The following SMAP1 variants were observed in gnomAD, a reference collection of about 807,000 sequenced individuals.
The protein encoded by SMAP1 is small ArfGAP 1.
A neutral mutation model predicts 58.5 loss-of-function variants in SMAP1; 24 were observed. The ratio of observed to expected loss-of-function variants is 0.41; its 90% confidence interval spans 0.30 to 0.58. The LOEUF is 0.58. SMAP1 is among the 20% of genes least tolerant of loss of function. SMAP1 has a pLI of 0.29. For synonymous variants in SMAP1, 216 were observed against 196.6 expected (o/e 1.10, Z -0.82); for missense variants, 563 against 566.3 (o/e 0.99, Z 0.06).
chr6:70,860,125 CAACT>C, intron 10 of SMAP1, 71 bp from the exon 11 acceptor site: 1 of 1,474,000 alleles, frequency 6.8e-7, no homozygotes, highest in Middle Eastern at 1.8e-4. Context: ...AAAAAATGAC[CAACT>C]GTGTGGCTAA....
rs2149943584 is a variant in SMAP1 at position 70,791,763 on chromosome 6, A to G, written c.489A>G (p.Lys163=). 1.9e-6 allele frequency: 3 copies of G among 1,612,886 alleles called. No individual in the cohort carries two copies. Residue 163 remains lysine, a synonymous_variant, in exon 5 of 11, where the codon AAA becomes AAG. Coordinates refer to ENST00000370455, the MANE Select transcript of SMAP1 (RefSeq NM_001044305.3). ...PSLQAAVDKN[K]LEKEKEKKKE... ...TGCAAGCTGCTGTTGACAAAAATAA[A>G]TTGGAGGTATGGTCATGTTTTAACC...
At chr6:70,752,662 C>A (rs1281245698) in intron 2 of SMAP1, among the ~76,000 whole-genome samples, 1 of 152,014 alleles carries the variant, frequency 6.6e-6, no homozygotes, top group Non-Finnish European at 1.5e-5. Flanking sequence ...ACATCAGCTC[C>A]TGTTGTTTTT....
chr6:70,769,872 T>G (rs983890900), intron 3 of SMAP1, among the ~76,000 whole-genome samples: 2 of 152,100 alleles, frequency 1.3e-5, no homozygotes, highest in African/African-American at 4.8e-5. Context: ...ATTTGGCATG[T>G]TTTTGCAGTG....
chr6:70,767,565 T>C (rs1767053996), intron 3 of SMAP1, among the ~76,000 whole-genome samples: 1 of 151,364 alleles, frequency 6.6e-6, no homozygotes, highest in South Asian at 2.1e-4. Context: ...GTTATTGGTG[T>C]ATAAGAATGC....
At chr6:70,736,637 T>G (rs1212246373) in intron 2 of SMAP1, among the ~76,000 whole-genome samples, 3 of 152,214 alleles carry the variant, frequency 2.0e-5, no homozygotes, top group Non-Finnish European at 4.4e-5. Context: ...AAACTAAAAT[T>G]GAAATAATGA....
intron 1 of SMAP1, among the ~76,000 whole-genome samples, chr6:70,729,791 G>C (rs1765352846): frequency 6.6e-6 from 1 of 152,084 alleles, no homozygotes; most frequent in Non-Finnish European, 1.5e-5. Flanking sequence ...AATTACGTTA[G>C]TTATGTGAAA....
chr6:70,731,239 T>C (rs1255451790), intron 1 of SMAP1, among the ~76,000 whole-genome samples: 1 of 152,254 alleles, frequency 6.6e-6, no homozygotes, highest in East Asian at 1.9e-4. Context: ...TTTTACTTTA[T>C]TAATTTTACA....
At chr6:70,813,549 A>G (rs1482455856) in intron 6 of SMAP1, among the ~76,000 whole-genome samples, 2 of 152,084 alleles carry the variant, frequency 1.3e-5, no homozygotes, top group African/African-American at 4.8e-5. Flanking sequence ...AAATTTTTAA[A>G]TATTAAAATT....
In SMAP1 at chr6:70,861,071, A is replaced by G. The variant is rs1771702412; in HGVS notation, c.*737A>G. The G allele has an allele frequency of 1.0e-5, 2 of 199,262 alleles. No individual in the cohort carries two copies. Among genetic ancestry groups the G allele is most frequent in the Admixed American group, 1.2e-4 (2 of 16,872 alleles). 12.3% of individuals were successfully genotyped at this position (199,262 alleles called of 1,614,324 possible). On this transcript the variant is annotated 3_prime_UTR_variant, in exon 11 of 11. Transcript: ENST00000370455. ...GCCACTTTCAATCTTCAATCCTTGA[A>G]GGTATATCTAGGTTTATGACAGTAA...
chr6:70,788,416 A>T (rs971717197), intron 4 of SMAP1, among the ~76,000 whole-genome samples: 1 of 151,884 alleles, frequency 6.6e-6, no homozygotes, highest in Non-Finnish European at 1.5e-5. Context: ...AAACCTGCAC[A>T]TTGTGCGCAT....
intron 7 of SMAP1, among the ~76,000 whole-genome samples, chr6:70,847,595 T>C (rs1373138230): frequency 1.3e-5 from 2 of 152,176 alleles, no homozygotes; most frequent in Non-Finnish European, 2.9e-5. Context: ...TGTTTGCTCA[T>C]TGCCTTTTCA....
At chr6:70,668,294 G>A (rs935178157) in intron 1 of SMAP1, among the ~76,000 whole-genome samples, 153 bp downstream of exon 1, 11 of 151,998 alleles carry the variant, frequency 7.2e-5, no homozygotes, top group Non-Finnish European at 1.3e-4. Context: ...GGCGGGCGCG[G>A]GGCTCCTGTC....
At chr6:70,714,841 C>T (rs1768199813) in intron 1 of SMAP1, among the ~76,000 whole-genome samples, 2 of 152,114 alleles carry the variant, frequency 1.3e-5, no homozygotes, top group South Asian at 4.1e-4. Context: ...ACCTTTATCT[C>T]CCCTTCAGCT....
At chr6:70,761,759 T>C (rs1274241216) in intron 3 of SMAP1, among the ~76,000 whole-genome samples, 2 of 152,106 alleles carry the variant, frequency 1.3e-5, no homozygotes, top group African/African-American at 2.4e-5. Context: ...TTAATTCTTA[T>C]AATAATCCTA....
chr6:70,835,154 A>C (rs1272318057), intron 6 of SMAP1, among the ~76,000 whole-genome samples: 1 of 148,230 alleles, frequency 6.7e-6, no homozygotes, highest in Non-Finnish European at 1.5e-5. Flanking sequence ...TGGGAGGCTG[A>C]GGCAGGAGAA....
At chr6:70,848,772 A>G (rs952948620) in intron 7 of SMAP1, among the ~76,000 whole-genome samples, 1 of 152,242 alleles carries the variant, frequency 6.6e-6, no homozygotes, top group Non-Finnish European at 1.5e-5. Context: ...TGAAAATTAA[A>G]AACACAATGA....
rs968058840 is a variant in SMAP1, at chr6:70,720,074, G to A, written c.119-12304G>A. Reference sequence around the variant, plus strand: ...CAAATTCTCATCTGAGACAAGGCAAGTCCCTTTTGCCTATGAGCATGTAAA... The same window carrying A: ...CAAATTCTCATCTGAGACAAGGCAAATCCCTTTTGCCTATGAGCATGTAAA... On this transcript the variant is annotated intron_variant, in intron 1 of 10. Transcript: ENST00000370455. Among the ~76,000 whole-genome samples the A allele has an allele frequency of 2.5e-4, 38 of 152,148 alleles. 1 individual carries two copies. The highest frequency in any genetic ancestry group is 2.2e-3 in the Admixed American group (33 of 15,268).
At chr6:70,847,917 C>T (rs762152983) in intron 7 of SMAP1, among the ~76,000 whole-genome samples, 3 of 152,012 alleles carry the variant, frequency 2.0e-5, no homozygotes, top group Non-Finnish European at 4.4e-5. Flanking sequence ...GTTTGTGTGA[C>T]TACATGTGTG....
At chr6:70,857,076 A>C (rs763929124) in intron 9 of SMAP1, 46 bp downstream of exon 9, 2 of 1,500,284 alleles carry the variant, frequency 1.3e-6, no homozygotes, top group South Asian at 1.4e-5. Flanking sequence ...CTAGAAGTAC[A>C]TCCTTTGTAA....
Sources: gnomAD v4.1 joint callset for allele counts (sites outside exome capture counted in the v4.1 genomes callset) on GRCh38, gnomAD v4.1.1 for gene constraint, MANE v1.5 for transcripts, NCBI Gene and HGNC (gene_info 2026-07-23, HGNC 2026-07-21) for gene names.